Variants in ABCG8 observed in about 807,000 individuals in gnomAD.
ABCG8 encodes the protein ATP binding cassette subfamily G member 8, also known as ATP-binding cassette sub-family G member 8.
A neutral mutation model predicts 71.3 loss-of-function variants in ABCG8; 81 were observed. That is an observed-to-expected ratio of 1.14 (90% CI 0.95 to 1.37). The LOEUF (loss-of-function observed/expected upper bound fraction) is 1.37, where lower values mean the gene tolerates loss of function less well. Among genes scored for constraint, ABCG8 ranks in the 40% most tolerant of loss-of-function variants. The probability of loss-of-function intolerance (pLI) is 0.00; values close to 1 mark genes in which losing one functional copy is unlikely to be tolerated. For synonymous variants in ABCG8, 451 were observed against 354.7 expected (o/e 1.27, Z -3.05); for missense variants, 1,119 against 866.2 (o/e 1.29, Z -3.66).
At chr2:43,862,614 ATGGATAGTATTCTCACTATC>A (rs1327411662) in intron 6 of ABCG8, among the ~76,000 whole-genome samples, 16 of 143,798 alleles carry the variant, frequency 1.1e-4, no homozygotes, top group Non-Finnish European at 2.2e-4. Flanking sequence ...CTCTCACTAT[ATGGATAGTATTCTCACTATC>A]TGGATAGAAT....
chr2:43,851,712 G>C lies in ABCG8; in HGVS notation c.451G>C (p.Val151Leu). 6.2e-7 allele frequency: 1 copy of C among 1,614,216 alleles called. No homozygotes were observed. ...PQLVRKCVAH[V>L]RQHNQLLPNL... ...GCTGGTGAGGAAGTGTGTGGCCCACGTGCGCCAGCACAACCAGCTGCTCCC... is the reference window on the plus strand; with the variant it reads ...GCTGGTGAGGAAGTGTGTGGCCCACCTGCGCCAGCACAACCAGCTGCTCCC... Residue 151 changes from valine to leucine, a missense_variant, in exon 4 of 13, where the codon GTG (valine) becomes CTG (leucine). Physicochemically the swap from Val to Leu is conservative, Grantham distance 32. Coordinates refer to ENST00000272286, the MANE Select transcript of ABCG8 (RefSeq NM_022437.3).
Position 43,881,153 on chromosome 2 carries a change from G to A in ABCG8, c.*3240G>A, listed in dbSNP as rs1012271678. The A allele has an allele frequency of 1.3e-5, 2 of 152,204 alleles. No homozygotes were observed. Among genetic ancestry groups the A allele is most frequent in the Non-Finnish European group, 2.9e-5 (2 of 68,058 alleles). The allele number at this position is 152,204 out of a possible 1,614,324, so 9.4% of individuals were successfully genotyped here. A position where few individuals can be genotyped will look rare whatever the true frequency, so the allele number is the denominator to read the frequency against. On this transcript the variant is annotated 3_prime_UTR_variant, in exon 13 of 13. Transcript: ENST00000272286. ...ACCTGACTTTGTGAGTTCACCATTC[G>A]GTCTGCAATGGGTTTTGGTAACTCA...
chr2:43,842,917 G>A (rs1668625703), intron 1 of ABCG8, among the ~76,000 whole-genome samples: 3 of 152,006 alleles, frequency 2.0e-5, no homozygotes, highest in Admixed American at 6.6e-5. Context: ...TACTGTCACC[G>A]AATTTCTTTC....
At chr2:43,870,491 A>G (rs141380947) in intron 6 of ABCG8, among the ~76,000 whole-genome samples, 1 of 152,208 alleles carries the variant, frequency 6.6e-6, no homozygotes, top group East Asian at 1.9e-4. Context: ...CTCTCTGGAT[A>G]GAACTCTCAC....
chr2:43,873,262 C>G (rs1268631799), intron 8 of ABCG8, among the ~76,000 whole-genome samples: 1 of 151,454 alleles, frequency 6.6e-6, no homozygotes, highest in East Asian at 1.9e-4. Flanking sequence ...AATCTTGGCT[C>G]ACTGCAACCT....
chr2:43,851,698 AGT>A lies in ABCG8; in HGVS notation c.443_444del (p.Val148GlyfsTer37). 6.2e-7 allele frequency: 1 copy of A among 1,614,232 alleles called. No individual in the cohort carries two copies. Among genetic ancestry groups the A allele is most frequent in the South Asian group, 1.1e-5 (1 of 91,086 alleles). On this transcript the variant is annotated frameshift_variant, in exon 4 of 13. Transcript: ENST00000272286. LOFTEE classifies it high-confidence loss of function. Reference sequence around the variant, plus strand: ...CCCAGCTCGCCTCAGCTGGTGAGGAAGTGTGTGGCCCACGTGCGCCAGCACAA... The same window carrying A: ...CCCAGCTCGCCTCAGCTGGTGAGGAAGTGTGGCCCACGTGCGCCAGCACAA...
In ABCG8 at chr2:43,860,524, TG is replaced by T. The variant is rs552382331; in HGVS notation, c.964+7658del. 7.7e-4 allele frequency among the ~76,000 whole-genome samples: 117 copies of T among 151,640 alleles called. No homozygotes were observed. In the Middle Eastern group the frequency reaches 0.041, roughly 53 times the overall value. On this transcript the variant is annotated intron_variant, in intron 6 of 12. Coordinates refer to ENST00000272286, the MANE Select transcript of ABCG8 (RefSeq NM_022437.3). ...CTAGATAGAACTCTCACTATCTATCTGGTTAGAATTCTCACTCTCTCGATTG... is the reference window on the plus strand; with the variant it reads ...CTAGATAGAACTCTCACTATCTATCTGTTAGAATTCTCACTCTCTCGATTG...
At chr2:43,854,828 G>A (rs1669046294) in intron 6 of ABCG8, among the ~76,000 whole-genome samples, 1 of 152,152 alleles carries the variant, frequency 6.6e-6, no homozygotes. Context: ...GGGCCTTGGA[G>A]GTAGAAGGCA....
chr2:43,879,549 C>T lies in ABCG8; in HGVS notation c.*1636C>T, dbSNP rs1194652314. On this transcript the variant is annotated 3_prime_UTR_variant, in exon 13 of 13. Transcript: ENST00000272286. Reference sequence around the variant, plus strand: ...CAAAGCACTTGCAACACTCAGGATGCTTGCACGGTCATGTTGCCACCATCC... The same window carrying T: ...CAAAGCACTTGCAACACTCAGGATGTTTGCACGGTCATGTTGCCACCATCC... 1.3e-5 allele frequency: 2 copies of T among 152,334 alleles called. No homozygotes were observed. The highest frequency in any genetic ancestry group is 2.1e-4 in the South Asian group (1 of 4,824). The allele number at this position is 152,334 out of a possible 1,614,324, so 9.4% of individuals were successfully genotyped here. A position where few individuals can be genotyped will look rare whatever the true frequency, so the allele number is the denominator to read the frequency against.
In ABCG8 at chr2:43,872,079, A is replaced by C. The variant is rs778440872; in HGVS notation, c.1068A>C (p.Leu356Phe). Residue 356 changes from leucine (L) to phenylalanine (F), a missense_variant, in exon 7 of 13, where the codon TTA (leucine) becomes TTC (phenylalanine). Coordinates refer to ENST00000272286, the MANE Select transcript of ABCG8 (RefSeq NM_022437.3). ...AALFLEKVRD[L>F]DDFLWKAETK... is the part of the protein sequence containing the mutation. The stretch of plus-strand genomic sequence containing the variant: ...TGTTTCTAGAAAAAGTGCGTGACTT[A>C]GATGACTTTCTATGGAAAGCAGAGA... 2.5e-6 allele frequency: 4 copies of C among 1,614,136 alleles called. No individual in the cohort carries two copies. In the East Asian group the frequency reaches 8.9e-5, roughly 36 times the overall value.
chr2:43,863,916 G>A (rs72796797), intron 6 of ABCG8, among the ~76,000 whole-genome samples: 9,379 of 150,152 alleles, frequency 0.062, 382 homozygotes, highest in Middle Eastern at 0.12. Flanking sequence ...AATTTTCACC[G>A]TCCGGAAACA....
At chr2:43,869,816 C>T (rs979226379) in intron 6 of ABCG8, among the ~76,000 whole-genome samples, 2 of 150,606 alleles carry the variant, frequency 1.3e-5, no homozygotes, top group Admixed American at 6.6e-5. Context: ...GAATTCTCAC[C>T]ATCTGGCTAG....
At chr2:43,869,553 T>C (rs1223063961) in intron 6 of ABCG8, among the ~76,000 whole-genome samples, 2 of 151,934 alleles carry the variant, frequency 1.3e-5, no homozygotes, top group East Asian at 1.9e-4. Context: ...CTGGATAGAA[T>C]TCTCACCATC....
intron 11 of ABCG8, among the ~76,000 whole-genome samples, chr2:43,877,343 C>T (rs888692785): frequency 6.8e-6 from 1 of 146,478 alleles, no homozygotes; most frequent in Non-Finnish European, 1.5e-5. Context: ...TAAAGGAGAT[C>T]GTGGGAATAT....
intron 6 of ABCG8, among the ~76,000 whole-genome samples, chr2:43,869,277 A>G (rs548853856): frequency 3.6e-4 from 55 of 151,436 alleles, no homozygotes; most frequent in African/African-American, 1.1e-3. Flanking sequence ...AACTCTCACT[A>G]TCTATCTGGA....
At chr2:43,851,175 G>A (rs1031487970) in intron 3 of ABCG8, among the ~76,000 whole-genome samples, 1 of 152,192 alleles carries the variant, frequency 6.6e-6, no homozygotes, top group Non-Finnish European at 1.5e-5. Flanking sequence ...TTGCTGGCAT[G>A]TTTGCCAGCC....
chr2:43,875,166 G>C lies in ABCG8; in HGVS notation c.1509G>C (p.Glu503Asp). The C allele has an allele frequency of 1.9e-6, 3 of 1,614,242 alleles. No individual in the cohort carries two copies. The highest frequency in any genetic ancestry group is 1.7e-6 in the Non-Finnish European group (2 of 1,180,050). The part of the protein sequence containing the change: ...FFAKILGELP[E>D]HCAYIIIYGM... ...TGCAGATCCTCGGGGAGCTTCCGGA[G>C]CACTGTGCCTACATCATCATCTACG... is the stretch of plus-strand genomic sequence containing the variant. The change falls in exon 11 of 13, where the codon GAG (glutamate) becomes GAC (aspartate). Residue 503 changes from glutamate (E) to aspartate (D), a missense_variant. Glu to Asp is a conservative substitution (Grantham distance 45). Coordinates refer to ENST00000272286, the MANE Select transcript of ABCG8 (RefSeq NM_022437.3).
At chr2:43,858,432 G>A (rs1669188421) in intron 6 of ABCG8, among the ~76,000 whole-genome samples, 1 of 151,170 alleles carries the variant, frequency 6.6e-6, no homozygotes, top group African/African-American at 2.4e-5. Context: ...CTCTGTCTCT[G>A]GATAGAACTC....
chr2:43,846,069 C>A, intron 2 of ABCG8, 86 bp from the exon 3 acceptor site: 1 of 1,482,984 alleles, frequency 6.7e-7, no homozygotes, highest in South Asian at 1.1e-5. Flanking sequence ...GAGGGGCCAC[C>A]TGGGGAACGA....
Sources: gnomAD v4.1 joint callset for allele counts (sites outside exome capture counted in the v4.1 genomes callset) on GRCh38, gnomAD v4.1.1 for gene constraint, MANE v1.5 for transcripts, NCBI Gene and HGNC (gene_info 2026-07-23, HGNC 2026-07-21) for gene names.